DDX4: variants seen among roughly 807,000 people sequenced by gnomAD.
DDX4 encodes the protein DEAD-box helicase 4.
DDX4 carries 25 observed loss-of-function variants against 100.0 expected under a neutral mutation model. The ratio of observed to expected loss-of-function variants is 0.25; its 90% CI spans 0.18 to 0.35. The LOEUF is 0.35. Ranked by LOEUF, DDX4 falls within the 10% of genes least tolerant of loss-of-function variation. DDX4 has a pLI of 1.00. For missense variants in DDX4, 635 were observed against 882.4 expected (o/e 0.72, Z 3.55); for synonymous variants, 259 against 275.7 (o/e 0.94, Z 0.60).
chr5:55,775,292 G>T (rs751415892), intron 7 of DDX4, among the ~76,000 whole-genome samples: 2 of 152,050 alleles, frequency 1.3e-5, no homozygotes, highest in African/African-American at 4.8e-5. Flanking sequence ...TCCGACTATT[G>T]TAAGTCCGCT....
intron 18 of DDX4, among the ~76,000 whole-genome samples, chr5:55,800,604 A>G (rs62361907): frequency 0.11 from 16,693 of 152,210 alleles, 1,048 homozygotes; most frequent in Middle Eastern, 0.15. Context: ...GATTACAGGC[A>G]TGAGCCACTG....
intron 21 of DDX4, 104 bp from the exon 22 acceptor site, chr5:55,816,359 G>C (rs1370211618): frequency 1.7e-5 from 25 of 1,456,780 alleles, no homozygotes; most frequent in South Asian, 2.9e-5. Context: ...AGACATGGTA[G>C]ATACTTTGAG....
Position 55,767,957 on chromosome 5 carries a change from G to A in DDX4, c.394+17G>A, listed in dbSNP as rs369208045. On this transcript the variant is annotated intron_variant, in intron 7 of 21. Transcript: ENST00000505374. ...AGAGAGGCGGTAAGGACCACATTTT[G>A]GAACAATTTGTACTTAACACAGAGA... 11 of 1,611,372 alleles carry A rather than the reference G, an allele frequency of 6.8e-6. No homozygotes were observed. Among genetic ancestry groups the A allele is most frequent in the Non-Finnish European group, 9.3e-6 (11 of 1,177,624 alleles).
chr5:55,787,253 T>C (rs1368466055), intron 14 of DDX4, among the ~76,000 whole-genome samples: 3 of 152,144 alleles, frequency 2.0e-5, no homozygotes, highest in Admixed American at 1.3e-4. Flanking sequence ...AGTAGAATTG[T>C]AGGGAAAAAC....
intron 18 of DDX4, among the ~76,000 whole-genome samples, chr5:55,801,041 A>G (rs1743265158): frequency 1.3e-5 from 2 of 152,150 alleles, no homozygotes; most frequent in Admixed American, 6.6e-5. Flanking sequence ...TTTAGTTACG[A>G]AAGGAACCAG....
At chr5:55,786,302 C>G (rs1742243646) in intron 13 of DDX4, among the ~76,000 whole-genome samples, 1 of 152,022 alleles carries the variant, frequency 6.6e-6, no homozygotes, top group South Asian at 2.1e-4. Flanking sequence ...GTTTTTAAAG[C>G]CACCATTTGT....
chr5:55,788,622 GA>G (rs1324813946), intron 15 of DDX4, among the ~76,000 whole-genome samples: 2 of 152,014 alleles, frequency 1.3e-5, no homozygotes, highest in Non-Finnish European at 2.9e-5. Context: ...TTATAACACA[GA>G]AAATTCTTAT....
chr5:55,764,260 T>C (rs1229970349), intron 6 of DDX4, among the ~76,000 whole-genome samples, 196 bp downstream of exon 6: 1 of 152,190 alleles, frequency 6.6e-6, no homozygotes, highest in African/African-American at 2.4e-5. Flanking sequence ...TAATTTGGCC[T>C]GTTGCCATCT....
chr5:55,766,429 A>G (rs2111846739), intron 6 of DDX4, among the ~76,000 whole-genome samples: 1 of 150,758 alleles, frequency 6.6e-6, no homozygotes, highest in East Asian at 1.9e-4. Flanking sequence ...GTCCCAGATT[A>G]GTAGTTTTGT....
chr5:55,748,181 A>G (rs1039749361), intron 3 of DDX4, among the ~76,000 whole-genome samples: 3 of 152,248 alleles, frequency 2.0e-5, no homozygotes, highest in Non-Finnish European at 4.4e-5. Context: ...ATACAGAAAT[A>G]TTCAGATTCT....
rs770286068 is a variant in DDX4 at position 55,816,581 on chromosome 5, A to G, written c.*41A>G. On this transcript the variant is annotated 3_prime_UTR_variant, in exon 22 of 22. Transcript: ENST00000505374. ...CAAGTCTGTGGTTTTGATGCAGAGA[A>G]GAAAATAGTTTTGATTTTTGAGTTT... is the stretch of plus-strand genomic sequence containing the variant. The G allele has an allele frequency of 4.1e-5, 65 of 1,597,562 alleles. No individual in the cohort carries two copies. In the South Asian group the frequency reaches 7.4e-4, roughly 18 times the overall value.
intron 3 of DDX4, among the ~76,000 whole-genome samples, chr5:55,758,707 T>A (rs1760092311): frequency 6.6e-6 from 1 of 151,952 alleles, no homozygotes; most frequent in Non-Finnish European, 1.5e-5. Context: ...GAGATTCTTT[T>A]TAAACACATT....
intron 14 of DDX4, among the ~76,000 whole-genome samples, chr5:55,787,245 T>C (rs1057227049): frequency 1.3e-5 from 2 of 152,172 alleles, no homozygotes; most frequent in Non-Finnish European, 1.5e-5. Flanking sequence ...GCCTTCATAG[T>C]AGAATTGTAG....
intron 6 of DDX4, among the ~76,000 whole-genome samples, chr5:55,765,413 A>ATATATATATATATAT (rs1554076987): frequency 1.2e-5 from 1 of 83,008 alleles, no homozygotes; most frequent in African/African-American, 5.8e-5. Flanking sequence ...AAAAAAAAAA[A>ATATATATATATATAT]ATATATATAT....
chr5:55,747,070 A>G (rs778058725), intron 3 of DDX4, among the ~76,000 whole-genome samples: 3 of 152,196 alleles, frequency 2.0e-5, no homozygotes, highest in East Asian at 1.9e-4. Flanking sequence ...CTTGGGCAAC[A>G]TAGTTGGAGT....
At chr5:55,813,604 C>T (rs963000946) in intron 18 of DDX4, 69 bp from the exon 19 acceptor site, 4 of 1,471,606 alleles carry the variant, frequency 2.7e-6, no homozygotes, top group Non-Finnish European at 2.7e-6. Flanking sequence ...AGCACTGCCT[C>T]CTATCCCTGC....
intron 2 of DDX4, among the ~76,000 whole-genome samples, chr5:55,744,112 C>A (rs746377511): frequency 1.3e-5 from 2 of 152,048 alleles, no homozygotes; most frequent in Non-Finnish European, 2.9e-5. Context: ...TATTTTTGTG[C>A]CCTTAATGAT....
intron 18 of DDX4, among the ~76,000 whole-genome samples, chr5:55,810,859 C>T (rs952182145): frequency 2.6e-5 from 4 of 151,934 alleles, no homozygotes; most frequent in South Asian, 2.1e-4. Context: ...GTGTAGGATT[C>T]GTGGGTATCA....
At chr5:55,805,794 TTGTATCTC>T (rs1743662132) in intron 18 of DDX4, among the ~76,000 whole-genome samples, 1 of 152,236 alleles carries the variant, frequency 6.6e-6, no homozygotes, top group South Asian at 2.1e-4. Flanking sequence ...TCTTTTTTTG[TTGTATCTC>T]TGCCCGGCTT....
Sources: gnomAD v4.1 joint callset for allele counts (sites outside exome capture counted in the v4.1 genomes callset) on GRCh38, gnomAD v4.1.1 for gene constraint, MANE v1.5 for transcripts, NCBI Gene and HGNC (gene_info 2026-07-23, HGNC 2026-07-21) for gene names.